DENND1A: variants seen among roughly 807,000 people sequenced by gnomAD.
The protein encoded by DENND1A is DENN domain-containing protein 1A.
DENND1A carries 51 observed loss-of-function variants against 113.7 expected under a neutral mutation model. That is an observed-to-expected ratio of 0.45 (90% confidence interval 0.36 to 0.57). The LOEUF (loss-of-function observed/expected upper bound fraction) is 0.57, where lower values mean the gene tolerates loss of function less well. Ranked by LOEUF, DENND1A falls within the 20% of genes least tolerant of loss-of-function variation. DENND1A has a pLI of 0.00. For synonymous variants in DENND1A, 565 were observed against 570.8 expected, an observed-to-expected ratio of 0.99 and a Z score of 0.14; for missense variants, 1,258 against 1,395.9, an observed-to-expected ratio of 0.90 and a Z score of 1.57.
chr9:123,564,580 T>A (rs2057943019), intron 12 of DENND1A, among the ~76,000 whole-genome samples: 1 of 152,242 alleles, frequency 6.6e-6, no homozygotes, highest in African/African-American at 2.4e-5. Context: ...CACCCACCAT[T>A]GCCCCCCTGC....
At chr9:123,894,319 T>G (rs916389587) in intron 1 of DENND1A, among the ~76,000 whole-genome samples, 1 of 152,236 alleles carries the variant, frequency 6.6e-6, no homozygotes, top group Non-Finnish European at 1.5e-5. Flanking sequence ...ATTGCTAGGT[T>G]TCAACCATCA....
intron 13 of DENND1A, among the ~76,000 whole-genome samples, chr9:123,494,665 C>T (rs1005841800): frequency 7.2e-5 from 11 of 152,206 alleles, no homozygotes; most frequent in Admixed American, 2.0e-4. Context: ...ATTTCCTGGC[C>T]TATGCACAAG....
rs2067759847 is a variant in DENND1A, at chr9:123,727,053, C to T, written c.302+30650G>A. On this transcript the variant is annotated intron_variant, in intron 5 of 23. Transcript: ENST00000394215. ...TCACGTGTAATTTACCCAGTTGTCA[C>T]AAGATCTAAACGGGATGATCAGCAT... Among the ~76,000 whole-genome samples, 3 of 152,170 alleles carry T rather than the reference C, an allele frequency of 2.0e-5. No individual in the cohort carries two copies. In the South Asian group the frequency reaches 6.2e-4, roughly 32 times the overall value.
chr9:123,894,118 T>C (rs190467428), intron 1 of DENND1A, among the ~76,000 whole-genome samples: 34 of 152,324 alleles, frequency 2.2e-4, no homozygotes, highest in Admixed American at 1.2e-3. Flanking sequence ...TCACTTCACC[T>C]CTGTATTCCC....
chr9:123,426,014 G>C (rs538173366), intron 19 of DENND1A, among the ~76,000 whole-genome samples: 1 of 152,258 alleles, frequency 6.6e-6, no homozygotes, highest in African/African-American at 2.4e-5. Context: ...ACTCTGCCCA[G>C]GGCAGGGGCA....
intron 13 of DENND1A, among the ~76,000 whole-genome samples, chr9:123,468,227 T>C (rs62579169): frequency 0.12 from 17,854 of 152,212 alleles, 1,470 homozygotes; most frequent in Non-Finnish European, 0.18. Context: ...TCACATGTAA[T>C]GTGGGTAGAG....
chr9:123,593,717 T>C (rs555299572), intron 11 of DENND1A, among the ~76,000 whole-genome samples: 8 of 152,266 alleles, frequency 5.3e-5, no homozygotes, highest in South Asian at 2.1e-4. Context: ...TCTTAGTAGC[T>C]TGTTAATCAA....
At chr9:123,516,975 C>T (rs892083689) in intron 13 of DENND1A, among the ~76,000 whole-genome samples, 1 of 147,840 alleles carries the variant, frequency 6.8e-6, no homozygotes, top group Non-Finnish European at 1.5e-5. Flanking sequence ...TCTCAAGGAC[C>T]TTAAAAATAA....
chr9:123,631,757 C>T (rs1407590149), intron 9 of DENND1A, among the ~76,000 whole-genome samples: 2 of 151,874 alleles, frequency 1.3e-5, no homozygotes, highest in Non-Finnish European at 2.9e-5. Flanking sequence ...TTTTGTATTC[C>T]TTTTTTTTCT....
intron 6 of DENND1A, among the ~76,000 whole-genome samples, chr9:123,671,939 T>G (rs2063785570): frequency 6.6e-6 from 1 of 152,246 alleles, no homozygotes; most frequent in Admixed American, 6.5e-5. Context: ...ATTATTTGAT[T>G]GAAAATGGAT....
intron 2 of DENND1A, among the ~76,000 whole-genome samples, chr9:123,811,942 G>C (rs981113550): frequency 1.3e-5 from 2 of 152,134 alleles, no homozygotes; most frequent in Non-Finnish European, 2.9e-5. Context: ...CCTGAGAAAT[G>C]CATCATTAGG....
At chr9:123,870,096 A>G (rs970343004) in intron 2 of DENND1A, among the ~76,000 whole-genome samples, 1 of 152,000 alleles carries the variant, frequency 6.6e-6, no homozygotes, top group African/African-American at 2.4e-5. Context: ...TAAAAAAAAT[A>G]TAGAATAGCT....
intron 2 of DENND1A, among the ~76,000 whole-genome samples, chr9:123,800,509 C>G (rs1346223224): frequency 1.3e-5 from 2 of 152,228 alleles, no homozygotes; most frequent in Non-Finnish European, 2.9e-5. Context: ...CTGAATCCAT[C>G]AGGCCCCAAA....
intron 2 of DENND1A, among the ~76,000 whole-genome samples, chr9:123,842,035 T>C (rs951802947): frequency 1.3e-5 from 2 of 152,218 alleles, no homozygotes; most frequent in African/African-American, 4.8e-5. Context: ...TCATACCTCA[T>C]TCATTTATTC....
At chr9:123,730,602 A>G (rs752001905) in intron 5 of DENND1A, among the ~76,000 whole-genome samples, 16 of 152,312 alleles carry the variant, frequency 1.1e-4, no homozygotes, top group Admixed American at 3.3e-4. Flanking sequence ...AAAGTCAGGA[A>G]ACAACAGATG....
Position 123,671,294 on chromosome 9 carries a change from G to A in DENND1A, c.450C>T (p.Ser150=), listed in dbSNP as rs950402806. 2.2e-5 allele frequency: 36 copies of A among 1,613,848 alleles called. No individual in the cohort carries two copies. Among genetic ancestry groups the A allele is most frequent in the Admixed American group, 6.7e-5 (4 of 59,994 alleles). ...IPDPGVSVHL[S]VHSYFTVPDT... ...GCTAATACTCCGCCCCACTTACCAC[G>A]CTGAGATGGACAGACACTCCTGGGT... is the stretch of plus-strand genomic sequence containing the variant. Residue 150 remains serine (S), a synonymous_variant, in exon 7 of 24, where the codon AGC becomes AGT. Transcript: ENST00000394215.
At chr9:123,601,767 T>A (rs1036483383) in intron 11 of DENND1A, among the ~76,000 whole-genome samples, 1 of 152,244 alleles carries the variant, frequency 6.6e-6, no homozygotes, top group East Asian at 1.9e-4. Flanking sequence ...AAGTCTTTTA[T>A]GTGGATAATA....
intron 13 of DENND1A, among the ~76,000 whole-genome samples, chr9:123,481,484 C>T (rs2050332360): frequency 6.6e-6 from 1 of 152,224 alleles, no homozygotes. Context: ...CTTCACTCAG[C>T]CTTTGCCCAG....
At chr9:123,677,480 C>T (rs2064155351) in intron 5 of DENND1A, among the ~76,000 whole-genome samples, 1 of 152,182 alleles carries the variant, frequency 6.6e-6, no homozygotes, top group South Asian at 2.1e-4. Context: ...GTCACCCAGG[C>T]CGGAGTGCAG....
Sources: gnomAD v4.1 joint callset for allele counts (sites outside exome capture counted in the v4.1 genomes callset) on GRCh38, gnomAD v4.1.1 for gene constraint, MANE v1.5 for transcripts, NCBI Gene and HGNC (gene_info 2026-07-23, HGNC 2026-07-21) for gene names.